The following ARFGEF1 variants were observed in gnomAD, a reference collection of about 807,000 sequenced individuals.
ARFGEF1 encodes the protein ARF guanine nucleotide exchange factor 1.
In ARFGEF1, 42 loss-of-function variants were observed where a neutral mutation model predicts 231.0. That is an observed-to-expected ratio of 0.18 (90% CI 0.14 to 0.24). The LOEUF is 0.24. Among genes scored for constraint, ARFGEF1 ranks in the 10% least tolerant of loss-of-function variants. ARFGEF1 has a pLI of 1.00. For synonymous variants in ARFGEF1, 710 were observed against 732.3 expected, an observed-to-expected ratio of 0.97 and a Z score of 0.49; for missense variants, 1,345 against 2,192.0, an observed-to-expected ratio of 0.61 and a Z score of 7.72.
intron 17 of ARFGEF1, among the ~76,000 whole-genome samples, chr8:67,257,500 T>C (rs945490270): frequency 2.6e-5 from 4 of 152,310 alleles, no homozygotes; most frequent in East Asian, 1.9e-4. Flanking sequence ...CTTTATACAG[T>C]TGTCAATCAT....
At chr8:67,215,016 G>C (rs1051689541) in intron 33 of ARFGEF1, among the ~76,000 whole-genome samples, 8 of 152,194 alleles carry the variant, frequency 5.3e-5, no homozygotes, top group Admixed American at 1.3e-4. Context: ...TCCCTGCTAA[G>C]TTTCAACCTT....
intron 33 of ARFGEF1, among the ~76,000 whole-genome samples, chr8:67,216,322 T>C (rs994667800): frequency 6.6e-6 from 1 of 152,282 alleles, no homozygotes; most frequent in Admixed American, 6.5e-5. Flanking sequence ...GCTAGGCCCC[T>C]TTCTGTCCCT....
At chr8:67,202,676 C>T (rs561499095) in intron 36 of ARFGEF1, among the ~76,000 whole-genome samples, 1 of 152,282 alleles carries the variant, frequency 6.6e-6, no homozygotes, top group South Asian at 2.1e-4. Context: ...AATAAATTCA[C>T]CTTCACTCTG....
intron 1 of ARFGEF1, among the ~76,000 whole-genome samples, chr8:67,340,883 G>A (rs1327220752): frequency 6.6e-6 from 1 of 152,154 alleles, no homozygotes; most frequent in Non-Finnish European, 1.5e-5. Flanking sequence ...CACATATCAA[G>A]TAATCCCGAC....
intron 1 of ARFGEF1, among the ~76,000 whole-genome samples, chr8:67,342,260 T>G (rs1261024910): frequency 6.6e-6 from 1 of 152,216 alleles, no homozygotes; most frequent in African/African-American, 2.4e-5. Context: ...TCTAACAATG[T>G]TCCCCCTTTA....
At position 67,239,537 on chromosome 8, in the gene ARFGEF1, T is replaced by TAA. The variant is rs564176207; in HGVS notation, c.2979+623_2979+624dup. 2.9e-3 allele frequency among the ~76,000 whole-genome samples: 421 copies of TAA among 146,740 alleles called. 2 individuals are homozygous for TAA. The highest frequency in any genetic ancestry group is 0.011 in the Middle Eastern group (3 of 280). On this transcript the variant is annotated intron_variant, in intron 20 of 38. Transcript: ENST00000262215. ...AGTGATAACCAATGAATTCACACAG[T>TAA]AAAAAAAAAAAATTCATTAAGCACT...
Position 67,296,455 on chromosome 8 carries a change from G to C in ARFGEF1, c.615C>G (p.Ile205Met), listed in dbSNP as rs2128912441. ...KATLTQMLNV[I>M]FARMENQALQ... is the part of the protein sequence containing the mutation. ...CTGCTTGGTTTTCCATGCGTGCAAAGATAACATTTAGCATCTGAGTGAGAG... is the reference window on the plus strand; with the variant it reads ...CTGCTTGGTTTTCCATGCGTGCAAACATAACATTTAGCATCTGAGTGAGAG... The change falls in exon 5 of 39, where the codon ATC becomes ATG. Residue 205 changes from isoleucine to methionine, a missense_variant. Physicochemically the swap from Ile to Met is conservative, Grantham distance 10. Transcript: ENST00000262215. The C allele has an allele frequency of 1.2e-6, 2 of 1,613,874 alleles. No individual in the cohort carries two copies. Among genetic ancestry groups the C allele is most frequent in the East Asian group, 4.5e-5 (2 of 44,816 alleles).
chr8:67,228,213 C>A lies in ARFGEF1; in HGVS notation c.3421+11G>T. On this transcript the variant is annotated intron_variant, in intron 24 of 38. Coordinates refer to ENST00000262215, the MANE Select transcript of ARFGEF1 (RefSeq NM_006421.5). ...AGCCAGTTCCGAAGTAGAATAAATG[C>A]CCATACTTACCAATGGCATTTCCAT... 6.2e-7 allele frequency: 1 copy of A among 1,610,520 alleles called. No individual in the cohort carries two copies. The highest frequency in any genetic ancestry group is 1.7e-4 in the Middle Eastern group (1 of 6,040).
At chr8:67,192,560 C>T (rs1414232184) in intron 5 of ARFGEF1, among the ~76,000 whole-genome samples, 2 of 152,132 alleles carry the variant, frequency 1.3e-5, no homozygotes, top group Non-Finnish European at 2.9e-5. Context: ...TCCAACTCAT[C>T]ACTCTTTCTT....
chr8:67,238,695 T>A (rs1839841961), intron 21 of ARFGEF1, 40 bp downstream of exon 21: 1 of 1,601,068 alleles, frequency 6.2e-7, no homozygotes. Flanking sequence ...TAGCTCATTT[T>A]ATAAACCAAA....
chr8:67,203,323 C>T (rs1027345140), intron 35 of ARFGEF1, 72 bp from the exon 36 acceptor site: 23 of 1,510,718 alleles, frequency 1.5e-5, no homozygotes, highest in East Asian at 9.0e-5. Context: ...ACTCAATGCT[C>T]CCCAAAGACC....
intron 34 of ARFGEF1, among the ~76,000 whole-genome samples, chr8:67,210,874 G>A (rs1056597173): frequency 1.3e-5 from 2 of 151,468 alleles, no homozygotes; most frequent in African/African-American, 4.9e-5. Flanking sequence ...CCAACATGGT[G>A]AAACCCTGTC....
intron 19 of ARFGEF1, 93 bp downstream of exon 19, chr8:67,251,206 A>C (rs995484411): frequency 1.0e-4 from 121 of 1,190,496 alleles, no homozygotes; most frequent in Non-Finnish European, 1.2e-4. Flanking sequence ...CTAATGTGTT[A>C]TATCACTGTA....
In ARFGEF1 at chr8:67,217,776, T is replaced by A; in HGVS notation, c.4613+6A>T. On this transcript the variant is annotated splice_donor_region_variant and intron_variant, in intron 32 of 38. Transcript: ENST00000262215. ...ATAAATGTAAAGTTGTATAAAATCT[T>A]CTTACGCATGTGGGATTGTGGTTTT... 6.2e-7 allele frequency: 1 copy of A among 1,613,006 alleles called. No homozygotes were observed.
downstream of ARFGEF1, chr8:67,193,399 G>C: frequency 5.5e-6 from 8 of 1,458,962 alleles, no homozygotes; most frequent in Non-Finnish European, 7.6e-6. Context: ...GCCTGGCCCT[G>C]ATTCACTGAT....
chr8:67,253,134 C>A (rs910434771), intron 18 of ARFGEF1, among the ~76,000 whole-genome samples: 6 of 152,192 alleles, frequency 3.9e-5, no homozygotes, highest in African/African-American at 9.7e-5. Flanking sequence ...AAAATACAAT[C>A]ATATCACCAA....
intron 38 of ARFGEF1, chr8:67,199,542 G>A (rs1838239853): frequency 5.9e-6 from 1 of 169,762 alleles, no homozygotes. Context: ...CGTTTCACAT[G>A]TACAGTTCAA....
At chr8:67,195,272 G>C, downstream of ARFGEF1, 1 of 766,558 alleles carries the variant, frequency 1.3e-6, no homozygotes, top group South Asian at 1.5e-5. Context: ...CAGGATATGA[G>C]ACTGTGGGGA....
At chr8:67,343,054 G>C (rs1354201072) in intron 1 of ARFGEF1, 110 bp downstream of exon 1, 2 of 1,312,682 alleles carry the variant, frequency 1.5e-6, no homozygotes, top group Non-Finnish European at 2.1e-6. Context: ...GCTTCCCGAG[G>C]TCAGAGGCGC....
Sources: gnomAD v4.1 joint callset for allele counts (sites outside exome capture counted in the v4.1 genomes callset) on GRCh38, gnomAD v4.1.1 for gene constraint, MANE v1.5 for transcripts, NCBI Gene and HGNC (gene_info 2026-07-23, HGNC 2026-07-21) for gene names.